Variants in RUFY4 observed in about 807,000 individuals in gnomAD.
RUFY4 encodes the protein RUN and FYVE domain containing 4, also known as RUN and FYVE domain-containing protein 4.
A neutral mutation model predicts 69.0 loss-of-function variants in RUFY4; 73 were observed. The ratio of observed to expected loss-of-function variants is 1.06; its 90% CI spans 0.88 to 1.29. The LOEUF is 1.29. Ranked by LOEUF, RUFY4 falls within the 50% of genes most tolerant of loss-of-function variation. The probability of loss-of-function intolerance (pLI) is 0.00; values close to 1 mark genes in which losing one functional copy is unlikely to be tolerated. For missense variants in RUFY4, 770 were observed against 705.6 expected, an observed-to-expected ratio of 1.09 and a Z score of -1.03; for synonymous variants, 287 against 271.8, an observed-to-expected ratio of 1.06 and a Z score of -0.55.
chr2:218,038,096 C>G (rs1443897960), intron 2 of RUFY4, among the ~76,000 whole-genome samples: 1 of 152,186 alleles, frequency 6.6e-6, no homozygotes, highest in Non-Finnish European at 1.5e-5. Context: ...GCGTCAGTCT[C>G]TTCCTTAGAG....
chr2:218,064,668 G>A (rs746606509), upstream of RUFY4, among the ~76,000 whole-genome samples: 179 of 152,232 alleles, frequency 1.2e-3, no homozygotes, highest in Non-Finnish European at 1.7e-3. Context: ...GCAGCTTTAG[G>A]AGGGGAAGAG....
chr2:218,036,165 A>C (rs78678250), intron 2 of RUFY4, among the ~76,000 whole-genome samples: 1,884 of 152,352 alleles, frequency 0.012, 40 homozygotes, highest in African/African-American at 0.042. Flanking sequence ...CAAAGATATT[A>C]AACAATTAGC....
rs1275794645 is a variant in RUFY4, at chr2:218,070,624, A to C, written c.19A>C (p.Ile7Leu). Residue 7 changes from isoleucine (I) to leucine (L), a missense_variant, in exon 1 of 11, where the codon ATC becomes CTC. Transcript: ENST00000344321. ...AGTACCCATGGCAGAAGAGGGAGCCATCCTCAAGGTCACCAAAGACCTAAG... is the reference window on the plus strand; with the variant it reads ...AGTACCCATGGCAGAAGAGGGAGCCCTCCTCAAGGTCACCAAAGACCTAAG... 7.2e-6 allele frequency: 11 copies of C among 1,537,634 alleles called. No individual in the cohort carries two copies. In the African/African-American group the frequency reaches 1.4e-4, roughly 19 times the overall value.
At chr2:218,060,856 G>A (rs764362054) in intron 3 of RUFY4, 3 of 1,491,362 alleles carry the variant, frequency 2.0e-6, no homozygotes, top group Admixed American at 3.4e-5. Context: ...ACATTGGATG[G>A]GTAGAAGGTC....
intron 2 of RUFY4, among the ~76,000 whole-genome samples, chr2:218,053,555 G>T (rs558610177): frequency 1.2e-4 from 18 of 152,004 alleles, no homozygotes; most frequent in South Asian, 1.0e-3. Context: ...TGTCGCCCAG[G>T]CTGGAGTGCA....
intron 3 of RUFY4, among the ~76,000 whole-genome samples, chr2:218,062,379 T>C (rs1205919688): frequency 1.8e-4 from 26 of 143,354 alleles, no homozygotes; most frequent in African/African-American, 6.8e-4. Flanking sequence ...GCACTCCAGC[T>C]TGGGAGACAG....
intron 3 of RUFY4, among the ~76,000 whole-genome samples, chr2:218,062,887 C>T (rs898337643): frequency 2.0e-5 from 3 of 152,188 alleles, no homozygotes; most frequent in Non-Finnish European, 2.9e-5. Flanking sequence ...TAAGAGGGAA[C>T]GGCGGCAGGA....
intron 2 of RUFY4, among the ~76,000 whole-genome samples, chr2:218,049,932 C>G (rs1033245774): frequency 6.6e-6 from 1 of 152,160 alleles, no homozygotes; most frequent in Non-Finnish European, 1.5e-5. Context: ...CCTAGTCAGA[C>G]AGGGATGGGT....
intron 2 of RUFY4, among the ~76,000 whole-genome samples, chr2:218,058,160 A>G (rs1473547504): frequency 6.6e-6 from 1 of 152,242 alleles, no homozygotes; most frequent in Non-Finnish European, 1.5e-5. Flanking sequence ...TTCTCACTCC[A>G]AAATTACAAG....
intron 9 of RUFY4, among the ~76,000 whole-genome samples, chr2:218,088,294 C>G (rs1056215645): frequency 6.6e-6 from 1 of 151,550 alleles, no homozygotes; most frequent in Non-Finnish European, 1.5e-5. Context: ...GGCAACATGT[C>G]GAAACCCCAT....
At chr2:218,055,781 G>A (rs552732610) in intron 2 of RUFY4, among the ~76,000 whole-genome samples, 2 of 152,186 alleles carry the variant, frequency 1.3e-5, no homozygotes, top group South Asian at 4.2e-4. Context: ...AACCATCCCC[G>A]CCACAGTGCC....
exon 9 of RUFY4, chr2:218,083,119 A>G (rs753109730): frequency 1.2e-6 from 2 of 1,613,116 alleles, no homozygotes; most frequent in Non-Finnish European, 1.7e-6. Context: ...GGTGTCAGGA[A>G]GAGAGAGCCG....
At chr2:218,083,844 C>T in intron 9 of RUFY4, among the ~76,000 whole-genome samples, 1 of 151,862 alleles carries the variant, frequency 6.6e-6, no homozygotes, top group Non-Finnish European at 1.5e-5. Context: ...GACCCACCCC[C>T]ACATACACAC....
chr2:218,084,067 A>G (rs1252450330), intron 9 of RUFY4, among the ~76,000 whole-genome samples: 1 of 152,092 alleles, frequency 6.6e-6, no homozygotes, highest in Non-Finnish European at 1.5e-5. Context: ...CCAAACCACT[A>G]AGCTCACTGA....
At chr2:218,072,695 G>T in intron 3 of RUFY4, 84 bp from the exon 6 acceptor site, 1 of 1,308,874 alleles carries the variant, frequency 7.6e-7, no homozygotes, top group Non-Finnish European at 1.0e-6. Flanking sequence ...CCATTGCCAA[G>T]CACTTCCAGT....
intron 9 of RUFY4, among the ~76,000 whole-genome samples, chr2:218,087,091 T>A (rs1430427291): frequency 6.6e-6 from 1 of 152,128 alleles, no homozygotes; most frequent in African/African-American, 2.4e-5. Flanking sequence ...TTTTCAGTGT[T>A]AGAATCAACT....
At position 218,070,873 on chromosome 2, in the gene RUFY4, C is replaced by T. The variant is rs376924211; in HGVS notation, c.153+14C>T. 279 of 1,523,722 alleles carry T rather than the reference C, an allele frequency of 1.8e-4. No homozygotes were observed. The highest frequency in any genetic ancestry group is 2.4e-4 in the Non-Finnish European group (268 of 1,138,168). 94.4% of individuals were successfully genotyped at this position (1,523,722 alleles called of 1,614,324 possible). ...CTGCTGCTGCAGGTGGGACCTTCTCCTCCCCTTCCCCATCCCTCTCCCCAG... is the reference window on the plus strand; with the variant it reads ...CTGCTGCTGCAGGTGGGACCTTCTCTTCCCCTTCCCCATCCCTCTCCCCAG... On this transcript the variant is annotated intron_variant, in intron 2 of 10. Coordinates refer to ENST00000344321, the Ensembl canonical transcript of RUFY4.
Position 218,089,133 on chromosome 2 carries a change from C to G in RUFY4, c.1503-119C>G. 4.1e-6 allele frequency: 3 copies of G among 735,834 alleles called. No individual in the cohort carries two copies. The South Asian group carries it at 5.4e-5, about 13-fold the overall frequency. The allele number at this position is 735,834 out of a possible 1,614,324, so 45.6% of individuals were successfully genotyped here. On this transcript the variant is annotated intron_variant, in intron 9 of 10. Transcript: ENST00000344321. The stretch of plus-strand genomic sequence containing the variant: ...TCCCTCCATCACCCTCTCTGTCTCT[C>G]TCTTCCTCTCTGTGTGATTCCGTCT...
intron 2 of RUFY4, among the ~76,000 whole-genome samples, chr2:218,052,257 C>G (rs886821851): frequency 6.6e-6 from 1 of 152,192 alleles, no homozygotes; most frequent in African/African-American, 2.4e-5. Flanking sequence ...TCTTAAAGGC[C>G]TAGGAGGACA....
Sources: allele counts gnomAD v4.1 joint callset (sites outside exome capture counted in the v4.1 genomes callset), GRCh38; gene constraint gnomAD v4.1.1; transcripts MANE v1.5; gene names NCBI Gene and HGNC (gene_info 2026-07-23, HGNC 2026-07-21).